WBP1: variants seen among roughly 807,000 people sequenced by gnomAD.
WBP1 encodes the protein WW domain-binding protein 1.
Under a neutral mutation model 25.6 loss-of-function variants are expected in WBP1, and 18 were observed. The observed-to-expected ratio is 0.70, with a 90% CI of 0.49 to 1.04. The LOEUF (loss-of-function observed/expected upper bound fraction) is 1.04, where lower values mean the gene tolerates loss of function less well. Among genes scored for constraint, WBP1 ranks in the 50% least tolerant of loss-of-function variants. The pLI, the probability that WBP1 is intolerant of heterozygous loss-of-function variation, is 0.00. For missense variants in WBP1, 330 were observed against 352.9 expected (o/e 0.94, Z 0.52); for synonymous variants, 122 against 137.7 (o/e 0.89, Z 0.80).
Position 74,460,348 on chromosome 2 carries a change from C to T in WBP1, c.477C>T (p.Ser159=), listed in dbSNP as rs773779353. The change falls in exon 4 of 4, where the codon TCC becomes TCT. Residue 159 remains serine (S), a synonymous_variant. Transcript: ENST00000233615. ...LTASSEQTCC[S]SSSSCPAHFE... Reference sequence around the variant, plus strand: ...CTTCCAGTGAACAAACCTGCTGTTCCTCCTCATCCAGCTGCCCTGCCCACT... The same window carrying T: ...CTTCCAGTGAACAAACCTGCTGTTCTTCCTCATCCAGCTGCCCTGCCCACT... 6.2e-7 allele frequency: 1 copy of T among 1,614,080 alleles called. No homozygotes were observed. The highest frequency in any genetic ancestry group is 2.2e-5 in the East Asian group (1 of 44,858).
chr2:74,458,746 G>A, intron 1 of WBP1, 75 bp downstream of exon 1: 1 of 1,526,132 alleles, frequency 6.6e-7, no homozygotes, highest in Non-Finnish European at 8.8e-7. Flanking sequence ...TCCTTTTGGG[G>A]GTGGGGGAGG....
At position 74,458,656 on chromosome 2, in the gene WBP1, G is replaced by T. The variant is rs1320713818; in HGVS notation, c.54G>T (p.Arg18=). 3 of 1,572,530 alleles carry T rather than the reference G, an allele frequency of 1.9e-6. No individual in the cohort carries two copies. In the African/African-American group the frequency reaches 4.0e-5, roughly 21 times the overall value. The part of the protein sequence containing the change: ...NGSEEAWGAL[R]APQQQLRELC... ...GCGAGGAGGCCTGGGGGGCACTTCG[G>T]GCGCCGCAACAGCAGGTATCCCAAT... is the stretch of plus-strand genomic sequence containing the variant. Residue 18 remains arginine, a synonymous_variant, in exon 1 of 4, where the codon CGG becomes CGT. Transcript: ENST00000233615.
Position 74,460,587 on chromosome 2 carries a change from A to T in WBP1, c.716A>T (p.Asp239Val). The change falls in exon 4 of 4, where the codon GAT (aspartate) becomes GTT (valine). Residue 239 changes from aspartate (D) to valine (V), a missense_variant. Asp to Val is a radical substitution (Grantham distance 152). Coordinates refer to ENST00000233615, the MANE Select transcript of WBP1 (RefSeq NM_012477.4). Reference protein sequence around the residue: ...KEVRVSATLPDLEDYSPCALP... With the variant: ...KEVRVSATLPVLEDYSPCALP... ...GTGAGGGTTAGTGCCACCCTGCCAG[A>T]TCTGGAGGACTACTCCCCGTGTGCA... 1.2e-6 allele frequency: 2 copies of T among 1,613,434 alleles called. No homozygotes were observed. Among genetic ancestry groups the T allele is most frequent in the East Asian group, 2.2e-5 (1 of 44,876 alleles).
chr2:74,460,419 C>T lies in WBP1; in HGVS notation c.548C>T (p.Pro183Leu). The change falls in exon 4 of 4, where the codon CCC becomes CTC. Residue 183 changes from proline (P) to leucine (L), a missense_variant. Pro to Leu is a moderately conservative substitution (Grantham distance 98). Coordinates refer to ENST00000233615, the MANE Select transcript of WBP1 (RefSeq NM_012477.4). ...GGTGTTTCCTCCCACCAGAGTGCCC[C>T]CCCTCATCAGGAGGGTGAGCCCGGG... ...VEGVSSHQSA[P>L]PHQEGEPGAG... 2 of 1,613,874 alleles carry T rather than the reference C, an allele frequency of 1.2e-6. No individual in the cohort carries two copies. Among genetic ancestry groups the T allele is most frequent in the Non-Finnish European group, 1.7e-6 (2 of 1,180,020 alleles).
At chr2:74,459,186 G>T (rs915305049) in intron 1 of WBP1, 20 of 1,503,374 alleles carry the variant, frequency 1.3e-5, no homozygotes, top group African/African-American at 2.8e-5. Context: ...AGTTGCGGGT[G>T]GGGGGTAGTG....
intron 1 of WBP1, chr2:74,459,175 C>T: frequency 6.6e-7 from 1 of 1,515,372 alleles, no homozygotes; most frequent in African/African-American, 1.4e-5. Context: ...TGGAAAGATC[C>T]AGTTGCGGGT....
Position 74,458,472 on chromosome 2 carries a change from G to C in WBP1, c.-131G>C. Reference sequence around the variant, plus strand: ...GGAGTTCTGCCCGGATGGAAGCTCCGGCCGCGGAGTGATGGTGGCCTCAGC... The same window carrying C: ...GGAGTTCTGCCCGGATGGAAGCTCCCGCCGCGGAGTGATGGTGGCCTCAGC... On this transcript the variant is annotated 5_prime_UTR_variant, in exon 1 of 4. Transcript: ENST00000233615. The C allele has an allele frequency of 1.4e-6, 2 of 1,457,388 alleles. No individual in the cohort carries two copies. The highest frequency in any genetic ancestry group is 5.0e-5 in the East Asian group (2 of 39,956). 90.3% of individuals were successfully genotyped at this position (1,457,388 alleles called of 1,614,324 possible).
At chr2:74,459,613 C>T (rs1488424657) in intron 1 of WBP1, 30 bp from the exon 2 acceptor site, 10 of 1,608,588 alleles carry the variant, frequency 6.2e-6, no homozygotes, top group Admixed American at 1.7e-5. Context: ...CTGGAATCCC[C>T]CTTAGTTCTA....
At chr2:74,459,411 T>C in intron 1 of WBP1, 1 of 627,404 alleles carries the variant, frequency 1.6e-6, no homozygotes, top group East Asian at 2.8e-5. Flanking sequence ...CCTCTTTGTA[T>C]GTCCACACTT....
chr2:74,458,684 C>A lies in WBP1; in HGVS notation c.69+13C>A, dbSNP rs1455255757. 3 of 1,569,118 alleles carry A rather than the reference C, an allele frequency of 1.9e-6. No individual in the cohort carries two copies. Among genetic ancestry groups the A allele is most frequent in the Middle Eastern group, 1.7e-4 (1 of 5,996 alleles). On this transcript the variant is annotated intron_variant, in intron 1 of 3. Transcript: ENST00000233615. ...GCCGCAACAGCAGGTATCCCAATAGCTCCAAAACCTATCACGACAGCCATT... is the reference window on the plus strand; with the variant it reads ...GCCGCAACAGCAGGTATCCCAATAGATCCAAAACCTATCACGACAGCCATT...
chr2:74,459,173 TC>T, intron 1 of WBP1: 1 of 1,516,734 alleles, frequency 6.6e-7, no homozygotes, highest in Non-Finnish European at 8.8e-7. Flanking sequence ...GGTGGAAAGA[TC>T]CAGTTGCGGG....
Position 74,460,545 on chromosome 2 carries a change from G to A in WBP1, c.674G>A (p.Gly225Asp). ...ELCPCPASGE[G>D]EPVKEVRVSA... Reference sequence around the variant, plus strand: ...TGCCCTTGTCCTGCCTCCGGTGAGGGTGAGCCAGTCAAGGAGGTGAGGGTT... The same window carrying A: ...TGCCCTTGTCCTGCCTCCGGTGAGGATGAGCCAGTCAAGGAGGTGAGGGTT... The change falls in exon 4 of 4, where the codon GGT becomes GAT. Residue 225 changes from glycine (G) to aspartate (D), a missense_variant. Gly to Asp is a moderately conservative substitution (Grantham distance 94). Transcript: ENST00000233615. 1 of 1,613,522 alleles carries A rather than the reference G, an allele frequency of 6.2e-7. No homozygotes were observed. Among genetic ancestry groups the A allele is most frequent in the Non-Finnish European group, 8.5e-7 (1 of 1,179,792 alleles).
At chr2:74,459,827 C>T (rs1252130426) in intron 2 of WBP1, 46 bp from the exon 3 acceptor site, 2 of 1,612,928 alleles carry the variant, frequency 1.2e-6, no homozygotes, top group African/African-American at 1.3e-5. Flanking sequence ...AGGGCCCCTT[C>T]TCTGCATGAA....
In WBP1 at chr2:74,460,709, T is replaced by C. The variant is rs748494459; in HGVS notation, c.*28T>C. 6.6e-7 allele frequency: 1 copy of C among 1,519,302 alleles called. No individual in the cohort carries two copies. Among genetic ancestry groups the C allele is most frequent in the Admixed American group, 2.1e-5 (1 of 48,424 alleles). The allele number at this position is 1,519,302 out of a possible 1,614,324, so 94.1% of individuals were successfully genotyped here. Reference sequence around the variant, plus strand: ...AGTTTTGAGAGGGTGGATGGGTTACTTGCCCACCAGAAACAGCCCTAGTCC... The same window carrying C: ...AGTTTTGAGAGGGTGGATGGGTTACCTGCCCACCAGAAACAGCCCTAGTCC... On this transcript the variant is annotated 3_prime_UTR_variant, in exon 4 of 4. Transcript: ENST00000233615.
In WBP1 at chr2:74,458,616, G is replaced by C; in HGVS notation, c.14G>C (p.Ser5Thr). The C allele has an allele frequency of 1.3e-6, 2 of 1,562,516 alleles. No homozygotes were observed. Among genetic ancestry groups the C allele is most frequent in the Non-Finnish European group, 1.7e-6 (2 of 1,152,656 alleles). ...GTAGGTGGAGGTATGGCTCGGGCCA[G>C]CAGCGGGAACGGCAGCGAGGAGGCC... MARA[S>T]SGNGSEEAWG... Residue 5 changes from serine (S) to threonine (T), a missense_variant, in exon 1 of 4, where the codon AGC becomes ACC. Ser to Thr is a moderately conservative substitution (Grantham distance 58, BLOSUM62 1). Coordinates refer to ENST00000233615, the MANE Select transcript of WBP1 (RefSeq NM_012477.4).
chr2:74,458,960 T>C, intron 1 of WBP1: 1 of 1,550,676 alleles, frequency 6.4e-7, no homozygotes, highest in Non-Finnish European at 8.7e-7. Context: ...GCAACAGTTA[T>C]TTGTGATCTT....
rs977163292 is a variant in WBP1 at position 74,458,469 on chromosome 2, T to G, written c.-134T>G. 1 of 1,456,948 alleles carries G rather than the reference T, an allele frequency of 6.9e-7. No individual in the cohort carries two copies. The highest frequency in any genetic ancestry group is 2.6e-5 in the Admixed American group (1 of 37,956). 90.3% of individuals were successfully genotyped at this position (1,456,948 alleles called of 1,614,324 possible). ...GGTGGAGTTCTGCCCGGATGGAAGC[T>G]CCGGCCGCGGAGTGATGGTGGCCTC... On this transcript the variant is annotated 5_prime_UTR_variant, in exon 1 of 4. Transcript: ENST00000233615.
At chr2:74,460,197 T>G in intron 3 of WBP1, 24 bp from the exon 4 acceptor site, 2 of 1,593,304 alleles carry the variant, frequency 1.3e-6, no homozygotes, top group Non-Finnish European at 1.7e-6. Context: ...CTTCAACCAA[T>G]CATGCCAATT....
chr2:74,459,445 C>G (rs1671822690), intron 1 of WBP1, 198 bp from the exon 2 acceptor site: 1 of 638,200 alleles, frequency 1.6e-6, no homozygotes, highest in Non-Finnish European at 2.8e-6. Flanking sequence ...TAGACTGATT[C>G]TTGCTATTCC....
Sources: gnomAD v4.1 joint callset for allele counts on GRCh38, gnomAD v4.1.1 for gene constraint, MANE v1.5 for transcripts, NCBI Gene and HGNC (gene_info 2026-07-23, HGNC 2026-07-21) for gene names.